Variants in ULK4 observed in about 807,000 individuals in gnomAD.
ULK4 encodes the protein unc-51 like kinase 4.
In ULK4, 133 loss-of-function variants were observed where a neutral mutation model predicts 160.6. That is an observed-to-expected ratio of 0.83 (90% CI 0.72 to 0.96). ULK4 has a LOEUF of 0.96. ULK4 is among the 40% of genes least tolerant of loss of function. The probability of loss-of-function intolerance (pLI) is 0.00; values close to 1 mark genes in which losing one functional copy is unlikely to be tolerated. For synonymous variants in ULK4, 534 were observed against 539.8 expected (o/e 0.99, Z 0.15); for missense variants, 1,580 against 1,499.5 (o/e 1.05, Z -0.89).
intron 27 of ULK4, among the ~76,000 whole-genome samples, chr3:41,694,984 A>G (rs2036440196): frequency 1.3e-5 from 2 of 152,204 alleles, no homozygotes; most frequent in East Asian, 1.9e-4. Context: ...AATAATAGAA[A>G]TGTGTTTCTC....
intron 32 of ULK4, among the ~76,000 whole-genome samples, chr3:41,492,291 C>T (rs1388141688): frequency 2.0e-5 from 3 of 152,070 alleles, no homozygotes; most frequent in Non-Finnish European, 2.9e-5. Flanking sequence ...GTTCTAGATC[C>T]CTGAGGAATC....
intron 17 of ULK4, chr3:41,859,291 A>G: frequency 1.8e-6 from 1 of 561,370 alleles, no homozygotes; most frequent in Non-Finnish European, 3.4e-6. Context: ...TTTTGCATCT[A>G]GAAGGCATTC....
At chr3:41,744,139 C>A (rs2038338454) in intron 22 of ULK4, among the ~76,000 whole-genome samples, 1 of 151,506 alleles carries the variant, frequency 6.6e-6, no homozygotes, top group African/African-American at 2.4e-5. Flanking sequence ...TTCAGATAAC[C>A]CAAAGAAAGG....
intron 32 of ULK4, among the ~76,000 whole-genome samples, chr3:41,513,505 T>C (rs1406189544): frequency 6.6e-6 from 1 of 152,168 alleles, no homozygotes; most frequent in Non-Finnish European, 1.5e-5. Flanking sequence ...TGGTGGCGCA[T>C]GCCTGTAGTC....
At chr3:41,486,672 C>T (rs1324268807) in intron 32 of ULK4, among the ~76,000 whole-genome samples, 2 of 151,952 alleles carry the variant, frequency 1.3e-5, no homozygotes, top group Non-Finnish European at 2.9e-5. Flanking sequence ...GAAGTATGGG[C>T]AAAAATCAGA....
intron 32 of ULK4, among the ~76,000 whole-genome samples, chr3:41,540,853 C>T (rs907860352): frequency 1.4e-5 from 2 of 147,978 alleles, no homozygotes; most frequent in Non-Finnish European, 1.5e-5. Flanking sequence ...GTGTCTGTTC[C>T]TATCATTTGC....
At chr3:41,280,783 G>T (rs1331128281) in intron 35 of ULK4, among the ~76,000 whole-genome samples, 2 of 152,080 alleles carry the variant, frequency 1.3e-5, no homozygotes, top group Non-Finnish European at 2.9e-5. Flanking sequence ...TCAAAAGCTA[G>T]CAGAAGGCAA....
At chr3:41,930,448 A>C (rs1355090475) in intron 5 of ULK4, among the ~76,000 whole-genome samples, 1 of 152,222 alleles carries the variant, frequency 6.6e-6, no homozygotes, top group Non-Finnish European at 1.5e-5. Flanking sequence ...TCATGACTAA[A>C]ACACCAAAAG....
intron 17 of ULK4, among the ~76,000 whole-genome samples, chr3:41,857,371 A>G (rs972071302): frequency 4.6e-5 from 7 of 152,192 alleles, no homozygotes; most frequent in Non-Finnish European, 1.0e-4. Context: ...TTTCTGCATC[A>G]ATATTCATCA....
At chr3:41,933,358 G>A (rs148146365) in intron 4 of ULK4, among the ~76,000 whole-genome samples, 5 of 152,244 alleles carry the variant, frequency 3.3e-5, no homozygotes, top group Admixed American at 6.5e-5. Context: ...TAGACTTTAC[G>A]AGCCATACAG....
At chr3:41,570,294 G>C (rs2087925804) in intron 31 of ULK4, among the ~76,000 whole-genome samples, 3 of 152,168 alleles carry the variant, frequency 2.0e-5, no homozygotes, top group Non-Finnish European at 2.9e-5. Context: ...GAGCACTTTT[G>C]CAGTGAACGT....
At chr3:41,773,119 G>A (rs1010466910) in intron 21 of ULK4, among the ~76,000 whole-genome samples, 1 of 152,098 alleles carries the variant, frequency 6.6e-6, no homozygotes, top group Admixed American at 6.6e-5. Context: ...ATATCATACT[G>A]AATGGAAAAA....
chr3:41,763,746 A>C (rs1398972839), intron 21 of ULK4, among the ~76,000 whole-genome samples: 2 of 152,242 alleles, frequency 1.3e-5, no homozygotes, highest in Admixed American at 1.3e-4. Context: ...AATAAGAGGT[A>C]AGCATCTACC....
chr3:41,663,570 G>A (rs761768234), intron 30 of ULK4, 37 bp downstream of exon 30: 7 of 1,534,642 alleles, frequency 4.6e-6, no homozygotes, highest in South Asian at 4.5e-5. Context: ...CATTTTATAG[G>A]TGAGACACAA....
intron 30 of ULK4, among the ~76,000 whole-genome samples, chr3:41,626,529 CTT>C (rs767066822): frequency 1.4e-4 from 19 of 134,944 alleles, no homozygotes; most frequent in Middle Eastern, 3.8e-3. Flanking sequence ...AAGTACATTG[CTT>C]TTTTTTTTTT....
chr3:41,845,432 G>T (rs73830523), intron 17 of ULK4, among the ~76,000 whole-genome samples: 52 of 152,092 alleles, frequency 3.4e-4, no homozygotes, highest in African/African-American at 1.2e-3. Flanking sequence ...ACCACAAAAG[G>T]TTACAAACCA....
intron 23 of ULK4, among the ~76,000 whole-genome samples, chr3:41,715,824 A>G (rs2037246798): frequency 6.7e-6 from 1 of 149,502 alleles, no homozygotes; most frequent in Non-Finnish European, 1.5e-5. Context: ...TTAATAAATT[A>G]TTATAATAGA....
intron 30 of ULK4, among the ~76,000 whole-genome samples, chr3:41,661,995 A>C (rs2035188204): frequency 6.6e-6 from 1 of 152,222 alleles, no homozygotes; most frequent in Non-Finnish European, 1.5e-5. Context: ...AGCCAAAGTT[A>C]CATTTAAAAA....
At chr3:41,318,267 G>C (rs983157464) in intron 35 of ULK4, among the ~76,000 whole-genome samples, 3 of 152,016 alleles carry the variant, frequency 2.0e-5, no homozygotes, top group African/African-American at 7.2e-5. Context: ...TTTAATTAGA[G>C]TCTCAAAAAA....
Sources: allele counts gnomAD v4.1 joint callset (sites outside exome capture counted in the v4.1 genomes callset), GRCh38; gene constraint gnomAD v4.1.1; transcripts MANE v1.5; gene names NCBI Gene and HGNC (gene_info 2026-07-23, HGNC 2026-07-21).